Variants in PPP1R12B observed in about 807,000 individuals in gnomAD.
PPP1R12B encodes the protein protein phosphatase 1 regulatory subunit 12B, also known as myosin phosphatase target subunit 2.
In PPP1R12B, 76 loss-of-function variants were observed where a neutral mutation model predicts 126.1. That is an observed-to-expected ratio of 0.60 (90% CI 0.50 to 0.73). The LOEUF is 0.73. Ranked by LOEUF, PPP1R12B falls within the 30% of genes least tolerant of loss-of-function variation. PPP1R12B has a pLI of 0.00. For missense variants in PPP1R12B, 1,052 were observed against 1,205.1 expected, an observed-to-expected ratio of 0.87 and a Z score of 1.88; for synonymous variants, 356 against 434.7, an observed-to-expected ratio of 0.82 and a Z score of 2.25.
chr1:202,415,996 A>G (rs989443396), intron 1 of PPP1R12B, among the ~76,000 whole-genome samples: 2 of 152,114 alleles, frequency 1.3e-5, no homozygotes, highest in Non-Finnish European at 2.9e-5. Context: ...GGGTCTCACT[A>G]TGTTACCCAG....
At position 202,586,622 on chromosome 1, in the gene PPP1R12B, AG is replaced by A; in HGVS notation, c.*6064del. On this transcript the variant is annotated 3_prime_UTR_variant, in exon 24 of 24. Coordinates refer to ENST00000608999, the MANE Select transcript of PPP1R12B (RefSeq NM_002481.4). The stretch of plus-strand genomic sequence containing the variant: ...CTGTTGGTCACAGCTACTAGGAATG[AG>A]GTGATTTCTGAGGGCTGAGAAAAAA... The A allele has an allele frequency of 6.6e-6, 1 of 152,256 alleles. No homozygotes were observed. The allele number at this position is 152,256 out of a possible 1,614,324, so 9.4% of individuals were successfully genotyped here.
chr1:202,578,981 G>T (rs1444841859), intron 23 of PPP1R12B, among the ~76,000 whole-genome samples: 3 of 152,174 alleles, frequency 2.0e-5, no homozygotes, highest in Non-Finnish European at 2.9e-5. Flanking sequence ...TATTAGCTTT[G>T]CTGGGTGCCT....
chr1:202,393,713 G>A (rs1396751876), intron 1 of PPP1R12B, among the ~76,000 whole-genome samples: 1 of 152,024 alleles, frequency 6.6e-6, no homozygotes, highest in African/African-American at 2.4e-5. Context: ...TATATAAATG[G>A]GGGAATGGTT....
At chr1:202,513,371 G>A (rs1223176742) in intron 18 of PPP1R12B, among the ~76,000 whole-genome samples, 1 of 152,150 alleles carries the variant, frequency 6.6e-6, no homozygotes, top group Non-Finnish European at 1.5e-5. Context: ...TTTTTATTAT[G>A]ATGACTGCAT....
intron 10 of PPP1R12B, chr1:202,439,658 T>A: frequency 1.4e-6 from 1 of 716,484 alleles, no homozygotes; most frequent in Non-Finnish European, 2.4e-6. Context: ...CTGCCCTTCC[T>A]GGTCCGGCCC....
At chr1:202,548,949 C>T (rs1334628075) in intron 18 of PPP1R12B, among the ~76,000 whole-genome samples, 1 of 151,704 alleles carries the variant, frequency 6.6e-6, no homozygotes, top group Admixed American at 6.6e-5. Context: ...GGAGACCCTT[C>T]CCTGCCAAAA....
chr1:202,350,836 G>T (rs903030652), intron 1 of PPP1R12B, among the ~76,000 whole-genome samples: 1 of 151,940 alleles, frequency 6.6e-6, no homozygotes, highest in Admixed American at 6.6e-5. Flanking sequence ...GACCAGGCTG[G>T]TCTCAAACTC....
At chr1:202,439,156 G>C (rs1228563605) in intron 10 of PPP1R12B, 3 of 1,581,276 alleles carry the variant, frequency 1.9e-6, no homozygotes. Context: ...TGAAGTGTCT[G>C]AACAACCTGG....
At chr1:202,358,042 C>T (rs892929455) in intron 1 of PPP1R12B, among the ~76,000 whole-genome samples, 1 of 152,108 alleles carries the variant, frequency 6.6e-6, no homozygotes, top group Non-Finnish European at 1.5e-5. Flanking sequence ...AGGAGAATTA[C>T]ATATATATCT....
At chr1:202,436,102 A>G (rs1486179480) in intron 9 of PPP1R12B, among the ~76,000 whole-genome samples, 1 of 152,046 alleles carries the variant, frequency 6.6e-6, no homozygotes, top group Non-Finnish European at 1.5e-5. Flanking sequence ...TTTACAAACA[A>G]TAAAAACATT....
chr1:202,550,927 A>G (rs1056506741), intron 18 of PPP1R12B, among the ~76,000 whole-genome samples: 1 of 152,218 alleles, frequency 6.6e-6, no homozygotes, highest in Non-Finnish European at 1.5e-5. Context: ...TGAGTTTCCA[A>G]AAGATCAGAA....
chr1:202,514,145 T>C (rs1681845034), intron 18 of PPP1R12B, among the ~76,000 whole-genome samples: 1 of 152,222 alleles, frequency 6.6e-6, no homozygotes, highest in African/African-American at 2.4e-5. Flanking sequence ...TGTGAGATGG[T>C]ATCTCATTGT....
chr1:202,364,387 G>T (rs1658757371), intron 1 of PPP1R12B, among the ~76,000 whole-genome samples: 1 of 151,686 alleles, frequency 6.6e-6, no homozygotes, highest in Admixed American at 6.6e-5. Flanking sequence ...ATTAAGAATT[G>T]GTTTTACATT....
rs898982737 is a variant in PPP1R12B at position 202,455,997 on chromosome 1, G to A, written c.1850+6826G>A. ...AAAGTGAATGATCTTGGCCAGGCAC[G>A]GTGACTCATGTCTGTAATCCCAGCA... On this transcript the variant is annotated intron_variant, in intron 13 of 23. Coordinates refer to ENST00000608999, the MANE Select transcript of PPP1R12B (RefSeq NM_002481.4). Among the ~76,000 whole-genome samples, 7 of 152,136 alleles carry A rather than the reference G, an allele frequency of 4.6e-5. No individual in the cohort carries two copies. The East Asian group carries it at 9.7e-4, about 21-fold the overall frequency.
At chr1:202,469,439 CTG>C (rs1381151193) in intron 13 of PPP1R12B, among the ~76,000 whole-genome samples, 1 of 152,012 alleles carries the variant, frequency 6.6e-6, no homozygotes, top group African/African-American at 2.4e-5. Context: ...ACAACAAACT[CTG>C]TGACATGAGT....
intron 23 of PPP1R12B, among the ~76,000 whole-genome samples, chr1:202,579,692 C>T (rs1293525799): frequency 6.6e-6 from 1 of 152,156 alleles, no homozygotes; most frequent in Admixed American, 6.5e-5. Flanking sequence ...TTTCCACTCC[C>T]TCCCCTGCCC....
At chr1:202,481,364 A>G (rs1365506980) in intron 13 of PPP1R12B, among the ~76,000 whole-genome samples, 1 of 152,172 alleles carries the variant, frequency 6.6e-6, no homozygotes, top group Non-Finnish European at 1.5e-5. Flanking sequence ...TTTTCCAACT[A>G]TGTATTTGTG....
intron 18 of PPP1R12B, among the ~76,000 whole-genome samples, chr1:202,513,617 A>C (rs1176745779): frequency 6.6e-6 from 1 of 152,148 alleles, no homozygotes; most frequent in East Asian, 1.9e-4. Flanking sequence ...TGAAAAATAC[A>C]TTTCCCAAGG....
intron 18 of PPP1R12B, among the ~76,000 whole-genome samples, chr1:202,532,716 A>T (rs1684081261): frequency 6.6e-6 from 1 of 152,124 alleles, no homozygotes; most frequent in African/African-American, 2.4e-5. Flanking sequence ...GTCAGGAATT[A>T]AAAAAGAAAG....
Sources: allele counts gnomAD v4.1 joint callset (sites outside exome capture counted in the v4.1 genomes callset), GRCh38; gene constraint gnomAD v4.1.1; transcripts MANE v1.5; gene names NCBI Gene and HGNC (gene_info 2026-07-23, HGNC 2026-07-21).